Variants in CDK14 observed in about 807,000 individuals in gnomAD.
CDK14 encodes the protein cyclin-dependent kinase 14.
In CDK14, 34 loss-of-function variants were observed where a neutral mutation model predicts 60.7. That is an observed-to-expected ratio of 0.56 (90% CI 0.43 to 0.75). CDK14 has a LOEUF of 0.75. Ranked by LOEUF, CDK14 falls within the 30% of genes least tolerant of loss-of-function variation. The pLI is 0.00. For missense variants in CDK14, 482 were observed against 564.1 expected (o/e 0.85, Z 1.47); for synonymous variants, 197 against 203.7 (o/e 0.97, Z 0.28).
intron 4 of CDK14, among the ~76,000 whole-genome samples, chr7:90,758,784 A>G (rs1804190325): frequency 6.6e-6 from 1 of 152,130 alleles, no homozygotes; most frequent in South Asian, 2.1e-4. Flanking sequence ...CCAGGTACAC[A>G]GTGGCTCGTG....
intron 2 of CDK14, among the ~76,000 whole-genome samples, chr7:90,683,884 G>A (rs1247672369): frequency 1.3e-5 from 2 of 149,634 alleles, no homozygotes; most frequent in Non-Finnish European, 3.0e-5. Context: ...AGCAGATAGA[G>A]CTAGAAAATG....
chr7:90,616,236 A>G (rs1799646867), intron 2 of CDK14, among the ~76,000 whole-genome samples: 1 of 152,212 alleles, frequency 6.6e-6, no homozygotes. Flanking sequence ...ATTATTTTAT[A>G]ACAGAGAAAA....
chr7:91,026,753 G>C (rs1796580747), intron 10 of CDK14, among the ~76,000 whole-genome samples: 1 of 152,126 alleles, frequency 6.6e-6, no homozygotes, highest in Admixed American at 6.6e-5. Context: ...TTCCCACTTA[G>C]GGTTTATTGT....
rs150879185 is a variant in CDK14, at chr7:91,103,840, GAGAA to G, written c.1155-8698_1155-8695del. 2.8e-3 allele frequency among the ~76,000 whole-genome samples: 425 copies of G among 151,542 alleles called. 2 individuals carry two copies. The highest frequency in any genetic ancestry group is 9.2e-3 in the African/African-American group (379 of 41,148). ...GCAAGGAGACCGAGAGAGAGAGAGA[GAGAA>G]AGAGAGAGAGAGAGAGAGAGAGAGT... On this transcript the variant is annotated intron_variant, in intron 12 of 14. Transcript: ENST00000380050.
intron 2 of CDK14, among the ~76,000 whole-genome samples, chr7:90,639,549 C>T (rs1800261703): frequency 6.6e-6 from 1 of 151,952 alleles, no homozygotes; most frequent in African/African-American, 2.4e-5. Context: ...CTGGGGTGTG[C>T]CTCCCAGTTA....
intron 9 of CDK14, among the ~76,000 whole-genome samples, chr7:90,957,593 C>G (rs1167314645): frequency 2.6e-5 from 4 of 151,946 alleles, no homozygotes; most frequent in Admixed American, 1.3e-4. Flanking sequence ...GAGTGAACTC[C>G]CGTTCACAAT....
chr7:91,108,967 G>A (rs938020), intron 12 of CDK14, among the ~76,000 whole-genome samples: 1 of 152,132 alleles, frequency 6.6e-6, no homozygotes, highest in African/African-American at 2.4e-5. Context: ...GTGTTGTTTA[G>A]GACATATGCT....
At chr7:90,742,049 A>G (rs1367664985) in intron 3 of CDK14, among the ~76,000 whole-genome samples, 1 of 152,058 alleles carries the variant, frequency 6.6e-6, no homozygotes, top group Non-Finnish European at 1.5e-5. Flanking sequence ...ATTAATTTTT[A>G]AAATATTTCT....
At chr7:91,188,249 A>G (rs1802251184) in intron 14 of CDK14, among the ~76,000 whole-genome samples, 1 of 152,034 alleles carries the variant, frequency 6.6e-6, no homozygotes, top group Non-Finnish European at 1.5e-5. Flanking sequence ...GATTTTTAGG[A>G]GTATCATTTA....
intron 6 of CDK14, among the ~76,000 whole-genome samples, chr7:90,872,731 TATAATC>T (rs1046064453): frequency 6.6e-6 from 1 of 152,150 alleles, no homozygotes; most frequent in Admixed American, 6.5e-5. Flanking sequence ...ATTAGATACT[TATAATC>T]ATGATTTGGT....
chr7:90,618,183 T>C (rs938398746), intron 2 of CDK14, among the ~76,000 whole-genome samples: 1 of 152,168 alleles, frequency 6.6e-6, no homozygotes, highest in Middle Eastern at 3.2e-3. Flanking sequence ...ATTAAAAATA[T>C]GGAGGAAACA....
intron 14 of CDK14, among the ~76,000 whole-genome samples, chr7:91,188,316 T>C (rs531706968): frequency 6.6e-6 from 1 of 152,296 alleles, no homozygotes; most frequent in Admixed American, 6.5e-5. Context: ...AACATTGTAA[T>C]GAAATGCAAG....
At chr7:90,664,928 TTAAAG>T (rs1800944430) in intron 2 of CDK14, among the ~76,000 whole-genome samples, 1 of 152,064 alleles carries the variant, frequency 6.6e-6, no homozygotes, top group Non-Finnish European at 1.5e-5. Flanking sequence ...ACTGTAAAAC[TTAAAG>T]TATAATAATA....
intron 14 of CDK14, among the ~76,000 whole-genome samples, 159 bp downstream of exon 14, chr7:91,118,367 C>T (rs10488003): frequency 0.2 from 30,710 of 152,106 alleles, 3,694 homozygotes; most frequent in East Asian, 0.5. Flanking sequence ...TGCACTCAGT[C>T]ATTTCCATAT....
chr7:91,132,585 G>T (rs1800151421), intron 14 of CDK14, among the ~76,000 whole-genome samples: 1 of 152,166 alleles, frequency 6.6e-6, no homozygotes, highest in Admixed American at 6.6e-5. Context: ...GCTAAAGGAA[G>T]ATGTATTTTT....
At chr7:90,807,097 T>C (rs930711656) in intron 5 of CDK14, among the ~76,000 whole-genome samples, 1 of 152,240 alleles carries the variant, frequency 6.6e-6, no homozygotes, top group African/African-American at 2.4e-5. Context: ...AATGTCCCTG[T>C]CTGACAGCTT....
intron 4 of CDK14, among the ~76,000 whole-genome samples, chr7:90,778,278 G>A (rs1009865770): frequency 6.6e-6 from 1 of 152,202 alleles, no homozygotes; most frequent in Non-Finnish European, 1.5e-5. Flanking sequence ...CCACTTAGAT[G>A]CTAAAATCAG....
intron 2 of CDK14, among the ~76,000 whole-genome samples, chr7:90,618,772 T>C (rs563268801): frequency 6.6e-6 from 1 of 152,356 alleles, no homozygotes; most frequent in African/African-American, 2.4e-5. Context: ...CATTGTTTGA[T>C]GTACTTTATC....
chr7:90,703,111 G>A (rs759731350), intron 2 of CDK14, among the ~76,000 whole-genome samples: 26 of 151,794 alleles, frequency 1.7e-4, no homozygotes, highest in Non-Finnish European at 2.6e-4. Flanking sequence ...GATAGTCATG[G>A]GATTGTAGCC....
Sources: gnomAD v4.1 joint callset for allele counts (sites outside exome capture counted in the v4.1 genomes callset) on GRCh38, gnomAD v4.1.1 for gene constraint, MANE v1.5 for transcripts, NCBI Gene and HGNC (gene_info 2026-07-23, HGNC 2026-07-21) for gene names.